The following MTBP variants were observed in gnomAD, a reference collection of about 807,000 sequenced individuals.
MTBP encodes the protein mdm2-binding protein.
Under a neutral mutation model 117.0 loss-of-function variants are expected in MTBP, and 101 were observed. The observed-to-expected ratio is 0.86, with a 90% confidence interval of 0.73 to 1.02. The LOEUF (loss-of-function observed/expected upper bound fraction) is 1.02, where lower values mean the gene tolerates loss of function less well. Among genes scored for constraint, MTBP ranks in the 50% least tolerant of loss-of-function variants. MTBP has a pLI of 0.00. For synonymous variants in MTBP, 350 were observed against 351.5 expected (o/e 1.00, Z 0.05); for missense variants, 970 against 1,030.9 (o/e 0.94, Z 0.81).
chr8:120,484,631 T>TA (rs1003596665), intron 11 of MTBP, among the ~76,000 whole-genome samples: 19 of 152,326 alleles, frequency 1.2e-4, no homozygotes, highest in African/African-American at 4.6e-4. Context: ...AGATAATTTT[T>TA]AAAAATACAG....
chr8:120,515,461 A>G (rs2130619493), intron 17 of MTBP, among the ~76,000 whole-genome samples: 1 of 152,162 alleles, frequency 6.6e-6, no homozygotes, highest in Non-Finnish European at 1.5e-5. Context: ...AAAAAATTCT[A>G]AATGTTCTAA....
At chr8:120,517,369 T>G (rs1176644376) in intron 18 of MTBP, among the ~76,000 whole-genome samples, 2 of 152,010 alleles carry the variant, frequency 1.3e-5, no homozygotes, top group African/African-American at 4.8e-5. Context: ...AGCAGCACTC[T>G]TGGCATGCAT....
At chr8:120,445,689 G>A (rs1813210424) in intron 1 of MTBP, 101 bp downstream of exon 1, 4 of 921,190 alleles carry the variant, frequency 4.3e-6, no homozygotes, top group Middle Eastern at 2.2e-4. Context: ...ATATGTAGTT[G>A]TCCCACGAAG....
chr8:120,503,978 A>T (rs569274714), intron 15 of MTBP, among the ~76,000 whole-genome samples: 1 of 152,142 alleles, frequency 6.6e-6, no homozygotes, highest in Admixed American at 6.5e-5. Flanking sequence ...AAAAGTCAAG[A>T]ATTCTTCTTT....
chr8:120,469,550 T>G (rs566133616), intron 10 of MTBP, among the ~76,000 whole-genome samples: 1 of 152,192 alleles, frequency 6.6e-6, no homozygotes, highest in Non-Finnish European at 1.5e-5. Flanking sequence ...GAACCACCAT[T>G]GCACTGCATG....
chr8:120,496,471 T>C (rs916515093), intron 13 of MTBP, among the ~76,000 whole-genome samples: 7 of 152,114 alleles, frequency 4.6e-5, no homozygotes, highest in African/African-American at 1.7e-4. Context: ...AATTCAACAT[T>C]TTGTTCATGA....
chr8:120,503,906 G>A (rs1018116401), intron 15 of MTBP, among the ~76,000 whole-genome samples: 2 of 152,160 alleles, frequency 1.3e-5, no homozygotes, highest in African/African-American at 2.4e-5. Flanking sequence ...CTTCAGTCGA[G>A]TGAGTGGTGT....
rs374120763 is a variant in MTBP at position 120,509,918 on chromosome 8, A to T, written c.1884-16A>T. The T allele has an allele frequency of 4.4e-6, 7 of 1,583,408 alleles. No homozygotes were observed. Among genetic ancestry groups the T allele is most frequent in the South Asian group, 2.3e-5 (2 of 87,528 alleles). On this transcript the variant is annotated splice_polypyrimidine_tract_variant and intron_variant, in intron 16 of 21. Coordinates refer to ENST00000305949, the MANE Select transcript of MTBP (RefSeq NM_022045.5). ...TAAATAAACTTTGAATACAAATGAA[A>T]AATTTTTTGTTTCAGGGAAAAGACT... is the stretch of plus-strand genomic sequence containing the variant.
Position 120,456,688 on chromosome 8 carries a change from A to G in MTBP, c.747+18A>G, listed in dbSNP as rs1586939454. 1.5e-6 allele frequency: 2 copies of G among 1,322,696 alleles called. No homozygotes were observed. Among genetic ancestry groups the G allele is most frequent in the Non-Finnish European group, 2.2e-6 (2 of 927,666 alleles). The allele number at this position is 1,322,696 out of a possible 1,614,324, so 81.9% of individuals were successfully genotyped here. ...AAAGAAAGGTAAATGGATTATTCAC[A>G]GTTTGCCAAGTAGGCCTTTCAATTT... is the stretch of plus-strand genomic sequence containing the variant. On this transcript the variant is annotated intron_variant, in intron 7 of 21. Transcript: ENST00000305949.
At chr8:120,478,891 A>G (rs777717527) in intron 11 of MTBP, among the ~76,000 whole-genome samples, 3 of 152,198 alleles carry the variant, frequency 2.0e-5, no homozygotes, top group Non-Finnish European at 4.4e-5. Context: ...CATAAACACC[A>G]TGGACTACTA....
intron 11 of MTBP, among the ~76,000 whole-genome samples, chr8:120,484,137 A>G (rs1350555619): frequency 6.6e-6 from 1 of 152,174 alleles, no homozygotes; most frequent in Admixed American, 6.5e-5. Flanking sequence ...TTTAAAATAA[A>G]TGTGGAAAGA....
chr8:120,513,429 T>C (rs1027646010), intron 17 of MTBP, among the ~76,000 whole-genome samples: 7 of 152,094 alleles, frequency 4.6e-5, no homozygotes, highest in Non-Finnish European at 1.0e-4. Context: ...AAATTTTTAC[T>C]TCACTAATAT....
In MTBP at chr8:120,506,573, C is replaced by T. The variant is rs1814689655; in HGVS notation, c.1728-133C>T. 1.3e-5 allele frequency: 7 copies of T among 548,694 alleles called. No individual in the cohort carries two copies. The East Asian group carries it at 2.2e-4, about 17-fold the overall frequency. 34.0% of individuals were successfully genotyped at this position (548,694 alleles called of 1,614,324 possible). A position where few individuals can be genotyped will look rare whatever the true frequency, so the allele number is the denominator to read the frequency against. ...GTCTGTCCTAAATGTTTAATTCTCC[C>T]ATGTTGCTGGTGTGTTTTTCTGGTT... On this transcript the variant is annotated intron_variant, in intron 15 of 21. Transcript: ENST00000305949.
chr8:120,469,366 C>A (rs1325026613), intron 10 of MTBP, among the ~76,000 whole-genome samples: 1 of 152,122 alleles, frequency 6.6e-6, no homozygotes, highest in African/African-American at 2.4e-5. Flanking sequence ...TTCTAATTTG[C>A]TTCAAATGCC....
At position 120,496,754 on chromosome 8, in the gene MTBP, T is replaced by C. The variant is rs149848267; in HGVS notation, c.1448-639T>C. Among the ~76,000 whole-genome samples, 13 of 151,842 alleles carry C rather than the reference T, an allele frequency of 8.6e-5. No homozygotes were observed. In the East Asian group the frequency reaches 2.5e-3, roughly 29 times the overall value. On this transcript the variant is annotated intron_variant, in intron 13 of 21. Coordinates refer to ENST00000305949, the MANE Select transcript of MTBP (RefSeq NM_022045.5). ...AATGCAAGCAGTGTTGCCTATCTAA[T>C]AGGAATAGCTTGCATAGGGGAAGGA... is the stretch of plus-strand genomic sequence containing the variant.
intron 11 of MTBP, chr8:120,473,985 A>G (rs527874456): frequency 2.0e-5 from 3 of 152,158 alleles, no homozygotes; most frequent in African/African-American, 4.8e-5. Flanking sequence ...AACTTTCTCC[A>G]ACTTCAAACT....
At chr8:120,473,097 A>G (rs1813856149) in intron 11 of MTBP, 1 of 152,196 alleles carries the variant, frequency 6.6e-6, no homozygotes, top group South Asian at 2.1e-4. Context: ...ATCCTCCTGT[A>G]TATTTTACAT....
At chr8:120,452,833 A>C (rs1813386757) in intron 4 of MTBP, 1 of 149,062 alleles carries the variant, frequency 6.7e-6, no homozygotes, top group African/African-American at 2.5e-5. Context: ...CCGTCTCAAA[A>C]AAAAAAAAAA....
At chr8:120,476,152 T>C (rs1436740951) in intron 11 of MTBP, among the ~76,000 whole-genome samples, 1 of 152,000 alleles carries the variant, frequency 6.6e-6, no homozygotes, top group Non-Finnish European at 1.5e-5. Context: ...TGTATACTTT[T>C]GTTGAAAATA....
Sources: gnomAD v4.1 joint callset for allele counts (sites outside exome capture counted in the v4.1 genomes callset) on GRCh38, gnomAD v4.1.1 for gene constraint, MANE v1.5 for transcripts, NCBI Gene and HGNC (gene_info 2026-07-23, HGNC 2026-07-21) for gene names.